Variants in SIRT2 observed in about 807,000 individuals in gnomAD.
The protein encoded by SIRT2 is NAD-dependent protein deacetylase sirtuin-2.
SIRT2 carries 40 observed loss-of-function variants against 57.4 expected under a neutral mutation model. The ratio of observed to expected loss-of-function variants is 0.70; its 90% confidence interval spans 0.54 to 0.91. The LOEUF (loss-of-function observed/expected upper bound fraction) is 0.91. SIRT2 is among the 40% of genes least tolerant of loss of function. The probability of loss-of-function intolerance (pLI) is 0.00; values close to 1 mark genes in which losing one functional copy is unlikely to be tolerated. For missense variants in SIRT2, 439 were observed against 510.4 expected (o/e 0.86, Z 1.35); for synonymous variants, 161 against 195.7 (o/e 0.82, Z 1.48).
At chr19:38,889,805 T>C (rs750693215) in intron 6 of SIRT2, 50 bp downstream of exon 6, 1 of 1,612,952 alleles carries the variant, frequency 6.2e-7, no homozygotes. Flanking sequence ...TGGAGCCAGG[T>C]GACCCCATCC....
At chr19:38,890,180 T>A in intron 4 of SIRT2, 36 bp from the exon 5 acceptor site, 1 of 1,612,074 alleles carries the variant, frequency 6.2e-7, no homozygotes, top group East Asian at 2.2e-5. Flanking sequence ...TATGACACCG[T>A]TTGCTCAGTC....
chr19:38,891,442 G>A (rs1205753939), intron 4 of SIRT2, among the ~76,000 whole-genome samples: 2 of 152,182 alleles, frequency 1.3e-5, no homozygotes, highest in East Asian at 1.9e-4. Flanking sequence ...CCAGCTACTC[G>A]GGAGGCTGAA....
chr19:38,893,356 G>C, intron 4 of SIRT2, 58 bp downstream of exon 4: 1 of 1,012,502 alleles, frequency 9.9e-7, no homozygotes, highest in Admixed American at 1.7e-5. Flanking sequence ...GCTGGGGATG[G>C]GAGGTCACTT....
intron 1 of SIRT2, 126 bp from the exon 2 acceptor site, chr19:38,898,551 T>A (rs1391394582): frequency 2.8e-5 from 12 of 432,436 alleles, no homozygotes; most frequent in Non-Finnish European, 4.5e-5. Flanking sequence ...GGGATGGTGG[T>A]AAAAATGGAG....
intron 8 of SIRT2, among the ~76,000 whole-genome samples, chr19:38,886,573 G>T (rs2144681453): frequency 6.6e-6 from 1 of 150,526 alleles, no homozygotes; most frequent in Middle Eastern, 3.5e-3. Flanking sequence ...CCTCTCTCAA[G>T]CTCCCAAGTA....
intron 8 of SIRT2, among the ~76,000 whole-genome samples, chr19:38,886,933 T>G (rs1384409298): frequency 6.6e-6 from 1 of 151,850 alleles, no homozygotes; most frequent in Non-Finnish European, 1.5e-5. Flanking sequence ...TTGTATGTGA[T>G]GTGTCATTTT....
chr19:38,889,462 C>A, intron 7 of SIRT2: 1 of 662,156 alleles, frequency 1.5e-6, no homozygotes, highest in Admixed American at 2.4e-5. Context: ...CTCGCAGCAG[C>A]CCTCTTCAGA....
chr19:38,898,432 GA>G lies in SIRT2; in HGVS notation c.17-8del. On this transcript the variant is annotated splice_polypyrimidine_tract_variant and splice_region_variant and intron_variant, in intron 1 of 15. Coordinates refer to ENST00000249396, the MANE Select transcript of SIRT2 (RefSeq NM_012237.4). ...GTCTCCAGAGGGTGAGAGGCTGGGGGAGGGGAGCAGAGGTGGTTACAGTGGG... is the reference window on the plus strand; with the variant it reads ...GTCTCCAGAGGGTGAGAGGCTGGGGGGGGGAGCAGAGGTGGTTACAGTGGG... 2 of 1,518,394 alleles carry G rather than the reference GA, an allele frequency of 1.3e-6. No homozygotes were observed. Among genetic ancestry groups the G allele is most frequent in the South Asian group, 1.3e-5 (1 of 77,426 alleles). 94.1% of individuals were successfully genotyped at this position (1,518,394 alleles called of 1,614,324 possible).
intron 9 of SIRT2, among the ~76,000 whole-genome samples, chr19:38,883,082 T>G (rs936315706): frequency 1.3e-5 from 2 of 149,672 alleles, no homozygotes; most frequent in East Asian, 1.9e-4. Flanking sequence ...CTTGTTTTTT[T>G]TTTTTTTTTT....
rs551831229 is a variant in SIRT2 at position 38,886,620 on chromosome 19, A to AT, written c.501+2466dup. Among the ~76,000 whole-genome samples the AT allele has an allele frequency of 7.1e-3, 983 of 138,728 alleles. 10 individuals carry two copies. Among genetic ancestry groups the AT allele is most frequent in the African/African-American group, 0.014 (545 of 38,016 alleles). The allele number at this position is 138,728 out of a possible 152,430, so 91.0% of individuals were successfully genotyped here. On this transcript the variant is annotated intron_variant, in intron 8 of 15. Transcript: ENST00000249396. ...AGGTGTGCACTACCATGCCTGGCTA[A>AT]TTTTTTTTTTTTTTTTTTTGAGATG...
In SIRT2 at chr19:38,880,914, G is replaced by C. The variant is rs770141173; in HGVS notation, c.748-17C>G. The C allele has an allele frequency of 6.2e-7, 1 of 1,610,670 alleles. No homozygotes were observed. Among genetic ancestry groups the C allele is most frequent in the South Asian group, 1.1e-5 (1 of 90,968 alleles). ...CAGGAAGTCCTGCGGGGAGGGGCGTGAGCTTGGGAGCCTCCGCCCAGGCTG... is the reference window on the plus strand; with the variant it reads ...CAGGAAGTCCTGCGGGGAGGGGCGTCAGCTTGGGAGCCTCCGCCCAGGCTG... On this transcript the variant is annotated splice_polypyrimidine_tract_variant and intron_variant, in intron 11 of 15. Transcript: ENST00000249396. This position sits in a 1 kb window ranked among gnomAD's most constrained non-coding sequence, Gnocchi z 4.1.
At chr19:38,891,406 G>A (rs889421366) in intron 4 of SIRT2, among the ~76,000 whole-genome samples, 16 of 152,024 alleles carry the variant, frequency 1.1e-4, no homozygotes, top group African/African-American at 2.4e-4. Flanking sequence ...AAAATTAGCC[G>A]GGCGTGGTGG....
intron 4 of SIRT2, among the ~76,000 whole-genome samples, chr19:38,891,418 A>T (rs962465033): frequency 6.6e-6 from 1 of 152,076 alleles, no homozygotes; most frequent in African/African-American, 2.4e-5. Flanking sequence ...GCGTGGTGGC[A>T]CGCGCCTGTA....
rs548690933 is a variant in SIRT2, at chr19:38,889,569, G to A, written c.432+120C>T. On this transcript the variant is annotated intron_variant, in intron 7 of 15. Coordinates refer to ENST00000249396, the MANE Select transcript of SIRT2 (RefSeq NM_012237.4). ...CAGGACTTGAACCGAGGCAGTCTGG[G>A]CCCAGCACCCATGTACTTAATGGCT... The A allele has an allele frequency of 1.2e-5, 14 of 1,137,852 alleles. No homozygotes were observed. The East Asian group carries it at 2.8e-4, about 23-fold the overall frequency. The allele number at this position is 1,137,852 out of a possible 1,614,324, so 70.5% of individuals were successfully genotyped here. A position where few individuals can be genotyped will look rare whatever the true frequency, so the allele number is the denominator to read the frequency against.
At chr19:38,882,567 C>T (rs996754363) in intron 9 of SIRT2, among the ~76,000 whole-genome samples, 6 of 150,610 alleles carry the variant, frequency 4.0e-5, no homozygotes, top group African/African-American at 7.3e-5. Flanking sequence ...ACCCGGGAGG[C>T]GGAGGTTGCA....
At chr19:38,879,607 GC>G in intron 14 of SIRT2, 24 bp downstream of exon 14, 1 of 1,561,218 alleles carries the variant, frequency 6.4e-7, no homozygotes, top group Non-Finnish European at 8.7e-7. Context: ...CTTCCAGGCT[GC>G]CCCAACCCCC....
At chr19:38,888,003 C>T (rs933815158) in intron 8 of SIRT2, among the ~76,000 whole-genome samples, 1 of 152,138 alleles carries the variant, frequency 6.6e-6, no homozygotes, top group Non-Finnish European at 1.5e-5. Flanking sequence ...ATCTGCCCAC[C>T]TCGGTGTCCC....
chr19:38,893,702 G>T, intron 3 of SIRT2, 117 bp downstream of exon 3: 1 of 1,369,182 alleles, frequency 7.3e-7, no homozygotes, highest in Non-Finnish European at 1.0e-6. Context: ...CCAACCCACT[G>T]CTACATACTT....
At chr19:38,889,533 AC>A in intron 7 of SIRT2, 155 bp downstream of exon 7, 1 of 782,076 alleles carries the variant, frequency 1.3e-6, no homozygotes. Flanking sequence ...TAAGATGAAG[AC>A]ACGAGGAACC....
Sources: allele counts gnomAD v4.1 joint callset (sites outside exome capture counted in the v4.1 genomes callset), GRCh38; gene constraint gnomAD v4.1.1; non-coding constraint Gnocchi (gnomAD v3.1); transcripts MANE v1.5; gene names NCBI Gene and HGNC (gene_info 2026-07-23, HGNC 2026-07-21).